Variants in RNF38 observed in about 807,000 individuals in gnomAD.
RNF38 encodes ring finger protein 38.
Under a neutral mutation model 67.2 loss-of-function variants are expected in RNF38, and 15 were observed. The observed-to-expected ratio is 0.22, with a 90% CI of 0.15 to 0.34. The LOEUF is 0.34. Ranked by LOEUF, RNF38 falls within the 10% of genes least tolerant of loss-of-function variation. The probability of loss-of-function intolerance (pLI) is 1.00; values close to 1 mark genes in which losing one functional copy is unlikely to be tolerated. For missense variants in RNF38, 524 were observed against 639.9 expected (o/e 0.82, Z 1.95); for synonymous variants, 220 against 218.8 (o/e 1.01, Z -0.05).
chr9:36,341,823 T>C (rs1694499267), intron 11 of RNF38, among the ~76,000 whole-genome samples: 1 of 2,150 alleles, frequency 4.7e-4, no homozygotes, highest in South Asian at 0.021. Context: ...TATATATATA[T>C]ATATATATAT....
chr9:36,358,263 G>A (rs1834273631), intron 4 of RNF38, among the ~76,000 whole-genome samples: 1 of 152,148 alleles, frequency 6.6e-6, no homozygotes, highest in African/African-American at 2.4e-5. Context: ...AATCATTAAA[G>A]CTTGTATCTT....
chr9:36,437,462 A>G (rs1003026712), intron 1 of RNF38, among the ~76,000 whole-genome samples: 2 of 152,086 alleles, frequency 1.3e-5, no homozygotes, highest in Non-Finnish European at 2.9e-5. Flanking sequence ...GAAACAAATC[A>G]TTTTCACCTG....
intron 1 of RNF38, among the ~76,000 whole-genome samples, chr9:36,428,173 T>C (rs1452539833): frequency 2.0e-5 from 3 of 151,630 alleles, no homozygotes; most frequent in African/African-American, 7.3e-5. Flanking sequence ...TCCCAGCACT[T>C]TGGGAGGCGG....
intron 3 of RNF38, chr9:36,372,447 C>A: frequency 1.6e-6 from 1 of 642,672 alleles, no homozygotes. Context: ...TTAATAGTAT[C>A]CCTCTTTCAC....
rs779203660 is a variant in RNF38 at position 36,349,456 on chromosome 9, A to AT, written c.1263+1658dup. Among the ~76,000 whole-genome samples the AT allele has an allele frequency of 9.2e-5, 14 of 151,910 alleles. 1 individual carries two copies. The highest frequency in any genetic ancestry group is 3.1e-4 in the African/African-American group (13 of 41,434). On this transcript the variant is annotated intron_variant, in intron 9 of 11. Transcript: ENST00000259605. ...AAATGTCTATTCAGGTCCTCCACCC[A>AT]TTTTTTTTAAATTGGGTTATTCATT...
At chr9:36,439,703 A>C in intron 1 of RNF38, among the ~76,000 whole-genome samples, 1 of 150,198 alleles carries the variant, frequency 6.7e-6, no homozygotes, top group East Asian at 2.0e-4. Flanking sequence ...TACTAGAGAA[A>C]TCGCTTGAAC....
chr9:36,429,170 CAT>C (rs924050164), intron 1 of RNF38, among the ~76,000 whole-genome samples: 23 of 152,304 alleles, frequency 1.5e-4, no homozygotes, highest in East Asian at 3.9e-4. Context: ...TTAATAGTAA[CAT>C]GTGTACATAA....
At chr9:36,392,148 C>A (rs1048087361) in intron 1 of RNF38, among the ~76,000 whole-genome samples, 3 of 152,106 alleles carry the variant, frequency 2.0e-5, no homozygotes, top group Admixed American at 6.5e-5. Context: ...TATATTAATA[C>A]CCTTACCTTC....
upstream of RNF38, chr9:36,400,855 C>A (rs1308675048): frequency 1.0e-6 from 1 of 985,164 alleles, no homozygotes; most frequent in African/African-American, 1.7e-5. Flanking sequence ...GGCCTCGGCC[C>A]CGTCCCGCAA....
At chr9:36,374,770 C>A (rs1017772575) in intron 3 of RNF38, among the ~76,000 whole-genome samples, 1 of 152,178 alleles carries the variant, frequency 6.6e-6, no homozygotes, top group African/African-American at 2.4e-5. Context: ...GCGTGAGCCA[C>A]CCCGGCGCAT....
At chr9:36,373,901 G>A (rs915390307) in intron 3 of RNF38, among the ~76,000 whole-genome samples, 19 of 152,206 alleles carry the variant, frequency 1.2e-4, no homozygotes, top group Admixed American at 1.1e-3. Flanking sequence ...ATGTTGGTCA[G>A]GCTGGTCTCG....
intron 2 of RNF38, among the ~76,000 whole-genome samples, chr9:36,380,501 G>GT (rs35339857): frequency 0.11 from 16,254 of 148,198 alleles, 1,065 homozygotes; most frequent in Middle Eastern, 0.23. Flanking sequence ...CGCCCGGCCT[G>GT]TTTTTTTTTT....
intron 1 of RNF38, among the ~76,000 whole-genome samples, chr9:36,462,523 A>C (rs1053553046): frequency 6.6e-6 from 1 of 152,184 alleles, no homozygotes; most frequent in Non-Finnish European, 1.5e-5. Flanking sequence ...CTAGAAGGTC[A>C]CCATCTTACC....
At chr9:36,427,691 CTAT>C (rs1564058816) in intron 1 of RNF38, among the ~76,000 whole-genome samples, 3 of 148,342 alleles carry the variant, frequency 2.0e-5, no homozygotes, top group African/African-American at 5.2e-5. Context: ...ATCTATCTAT[CTAT>C]CTATCTATCT....
intron 2 of RNF38, among the ~76,000 whole-genome samples, chr9:36,378,681 A>G (rs1038387512): frequency 6.6e-6 from 1 of 152,192 alleles, no homozygotes; most frequent in Non-Finnish European, 1.5e-5. Flanking sequence ...GAAAGCCCTT[A>G]GTTTATAAAC....
chr9:36,483,887 G>A (rs1312825989), intron 1 of RNF38, among the ~76,000 whole-genome samples: 1 of 152,162 alleles, frequency 6.6e-6, no homozygotes, highest in Non-Finnish European at 1.5e-5. Flanking sequence ...GGTAGGTAGT[G>A]GGCCCCTTAG....
In RNF38 at chr9:36,338,687, T is replaced by G. The variant is rs1052268763; in HGVS notation, c.*1065A>C. Reference sequence around the variant, plus strand: ...TGGAAGTCAACAAGGTGAGACTTCATGGGACTAGTGGTCTTCTTAGAAATA... The same window carrying G: ...TGGAAGTCAACAAGGTGAGACTTCAGGGGACTAGTGGTCTTCTTAGAAATA... On this transcript the variant is annotated 3_prime_UTR_variant, in exon 12 of 12. Coordinates refer to ENST00000259605, the MANE Select transcript of RNF38 (RefSeq NM_022781.5). 6.6e-6 allele frequency: 1 copy of G among 152,552 alleles called. No individual in the cohort carries two copies. The highest frequency in any genetic ancestry group is 2.4e-5 in the African/African-American group (1 of 41,442). 9.4% of individuals were successfully genotyped at this position (152,552 alleles called of 1,614,324 possible). A position where few individuals can be genotyped will look rare whatever the true frequency, so the allele number is the denominator to read the frequency against.
rs147647904 is a variant in RNF38 at position 36,421,773 on chromosome 9, A to T, written n.312+2840T>A. On this transcript the variant is annotated intron_variant and non_coding_transcript_variant, in intron 2 of 3. Coordinates refer to the RNF38 transcript ENST00000488058. Reference sequence around the variant, plus strand: ...CTATGAAGAAGTGGGGAAGGGAGAGAGAGTGAGTGTGCAGAGGGCAACAGG... The same window carrying T: ...CTATGAAGAAGTGGGGAAGGGAGAGTGAGTGAGTGTGCAGAGGGCAACAGG... Among the ~76,000 whole-genome samples the T allele has an allele frequency of 6.9e-3, 1,048 of 152,284 alleles. 14 individuals are homozygous for T. The highest frequency in any genetic ancestry group is 0.024 in the African/African-American group (981 of 41,542).
chr9:36,354,195 A>G (rs1174353728), intron 6 of RNF38, among the ~76,000 whole-genome samples: 1 of 151,918 alleles, frequency 6.6e-6, no homozygotes, highest in African/African-American at 2.4e-5. Context: ...TCCATTATTT[A>G]TTTATTTATT....
Sources: allele counts gnomAD v4.1 joint callset (sites outside exome capture counted in the v4.1 genomes callset), GRCh38; gene constraint gnomAD v4.1.1; transcripts MANE v1.5; gene names NCBI Gene and HGNC (gene_info 2026-07-23, HGNC 2026-07-21).